The following BLTP1 variants were observed in gnomAD, a reference collection of about 807,000 sequenced individuals.
The protein encoded by BLTP1 is bridge-like lipid transfer protein family member 1.
chr4:122,292,998 C>T, the BLTP1 span: 2 of 835,882 alleles, frequency 2.4e-6, no homozygotes, highest in Non-Finnish European at 2.9e-6. Context: ...GTCTAGTCTC[C>T]CTTAGGAAAT....
chr4:122,155,384 C>T, the BLTP1 span, among the ~76,000 whole-genome samples: 12 of 149,168 alleles, frequency 8.0e-5, no homozygotes, highest in Non-Finnish European at 1.3e-4. Context: ...AGTGCAGTGG[C>T]GCAATCTCTT....
At chr4:122,324,050 G>A in the BLTP1 span, among the ~76,000 whole-genome samples, 1 of 152,008 alleles carries the variant, frequency 6.6e-6, no homozygotes, top group African/African-American at 2.4e-5. Context: ...TTGGAGAAAA[G>A]TGATCTTTTG....
chr4:122,217,078 C>T, the BLTP1 span, among the ~76,000 whole-genome samples: 1 of 151,930 alleles, frequency 6.6e-6, no homozygotes, highest in Admixed American at 6.6e-5. Context: ...ATAAACCATC[C>T]CTGCATCCCT....
At chr4:122,258,684 C>G in the BLTP1 span, 5 of 1,605,798 alleles carry the variant, frequency 3.1e-6, no homozygotes, top group African/African-American at 6.7e-5. Flanking sequence ...CTCACTTATT[C>G]TTTTGAACTG....
At chr4:122,198,337 G>A in the BLTP1 span, 170 of 985,248 alleles carry the variant, frequency 1.7e-4, 1 homozygote, top group African/African-American at 2.7e-3. Flanking sequence ...TACGCAGTTC[G>A]AAAGAAGCAT....
chr4:122,306,161 C>T, the BLTP1 span: 12 of 1,029,706 alleles, frequency 1.2e-5, no homozygotes, highest in Admixed American at 3.0e-5. Context: ...GTTCCTAAAT[C>T]TGAAATGTGT....
At chr4:122,198,337 G>C in the BLTP1 span, 1 of 985,248 alleles carries the variant, frequency 1.0e-6, no homozygotes, top group Non-Finnish European at 1.2e-6. Context: ...TACGCAGTTC[G>C]AAAGAAGCAT....
chr4:122,308,706 G>C, the BLTP1 span, among the ~76,000 whole-genome samples: 1 of 152,014 alleles, frequency 6.6e-6, no homozygotes, highest in Non-Finnish European at 1.5e-5. Context: ...ATGTGTGTAT[G>C]AGAGAGAGAA....
At chr4:122,325,091 A>G in the BLTP1 span, 1 of 793,910 alleles carries the variant, frequency 1.3e-6, no homozygotes, top group Non-Finnish European at 1.8e-6. Flanking sequence ...GGGATGCTAA[A>G]GGTTAAGAGA....
the BLTP1 span, among the ~76,000 whole-genome samples, chr4:122,215,951 T>C: frequency 6.6e-6 from 1 of 152,294 alleles, no homozygotes; most frequent in East Asian, 1.9e-4. Flanking sequence ...TTTCCATTAA[T>C]AAGTTACTTC....
At chr4:122,220,408 A>G in the BLTP1 span, 1 of 1,612,930 alleles carries the variant, frequency 6.2e-7, no homozygotes, top group Non-Finnish European at 8.5e-7. Context: ...AAAAGGATTT[A>G]GGGAGACCAT....
At chr4:122,224,966 G>A in the BLTP1 span, 9 of 1,154,056 alleles carry the variant, frequency 7.8e-6, no homozygotes, top group Admixed American at 4.2e-5. Context: ...TACTTTTCTA[G>A]AAGTCATTAA....
At chr4:122,229,056 G>T in the BLTP1 span, 1 of 1,337,314 alleles carries the variant, frequency 7.5e-7, no homozygotes, top group South Asian at 1.7e-5. Context: ...TAAAGAAGAT[G>T]ACTTAAGTAT....
the BLTP1 span, among the ~76,000 whole-genome samples, chr4:122,332,629 C>CTTTTTTTTTTTTTTTTTT: frequency 7.0e-6 from 1 of 142,552 alleles, no homozygotes; most frequent in Non-Finnish European, 1.5e-5. Flanking sequence ...TAAAAGTTTG[C>CTTTTTTTTTTTTTTTTTT]TTTTTTTTTT....
At chr4:122,153,555 G>C in the BLTP1 span, among the ~76,000 whole-genome samples, 1 of 152,146 alleles carries the variant, frequency 6.6e-6, no homozygotes, top group South Asian at 2.1e-4. Context: ...ACTGAAACCA[G>C]GTAATCTGAC....
chr4:122,299,987 T>C, the BLTP1 span: 2 of 927,704 alleles, frequency 2.2e-6, no homozygotes, highest in African/African-American at 3.6e-5. Context: ...ACATATAGTT[T>C]ATTCTTCCAA....
chr4:122,290,940 C>T, the BLTP1 span: 8 of 693,156 alleles, frequency 1.2e-5, no homozygotes, highest in South Asian at 4.6e-4. Flanking sequence ...ATGAACTAAT[C>T]TTGTATTTCT....
the BLTP1 span, chr4:122,272,346 C>A: frequency 6.2e-7 from 1 of 1,613,010 alleles, no homozygotes; most frequent in Admixed American, 1.7e-5. Context: ...GGTGGACTAA[C>A]AATGGAATCA....
chr4:122,359,055 G>A, the BLTP1 span, among the ~76,000 whole-genome samples: 3 of 150,880 alleles, frequency 2.0e-5, no homozygotes, highest in Non-Finnish European at 2.9e-5. Context: ...GGTATGGTGT[G>A]TGAATTATAT....
Sources: gnomAD v4.1 joint callset for allele counts (sites outside exome capture counted in the v4.1 genomes callset) on GRCh38, gnomAD v4.1.1 for gene constraint, MANE v1.5 for transcripts, NCBI Gene and HGNC (gene_info 2026-07-23, HGNC 2026-07-21) for gene names.